TMEM116: variants seen among roughly 807,000 people sequenced by gnomAD.
The protein encoded by TMEM116 is transmembrane protein 116.
In TMEM116, 38 loss-of-function variants were observed where a neutral mutation model predicts 44.3. The ratio of observed to expected loss-of-function variants is 0.86; its 90% CI spans 0.66 to 1.12. The LOEUF (loss-of-function observed/expected upper bound fraction) is 1.12, where lower values mean the gene tolerates loss of function less well. Among genes scored for constraint, TMEM116 ranks in the 50% most tolerant of loss-of-function variants. TMEM116 has a pLI of 0.00. For missense variants in TMEM116, 354 were observed against 401.7 expected, an observed-to-expected ratio of 0.88 and a Z score of 1.01; for synonymous variants, 132 against 144.8, an observed-to-expected ratio of 0.91 and a Z score of 0.64.
chr12:111,952,182 T>C (rs1171395135), intron 4 of TMEM116, among the ~76,000 whole-genome samples: 2 of 152,124 alleles, frequency 1.3e-5, no homozygotes, highest in Non-Finnish European at 2.9e-5. Context: ...TGAGCCAAGA[T>C]TGAGCCACTG....
chr12:112,003,996 T>G (rs778181025), intron 2 of TMEM116, 133 bp from the exon 3 acceptor site: 84 of 1,294,902 alleles, frequency 6.5e-5, no homozygotes, highest in Non-Finnish European at 7.7e-5. Flanking sequence ...AAAAAAATTT[T>G]TAGACACAGG....
At chr12:111,952,091 T>A (rs1056960137) in intron 4 of TMEM116, among the ~76,000 whole-genome samples, 2 of 152,016 alleles carry the variant, frequency 1.3e-5, no homozygotes, top group Admixed American at 6.6e-5. Flanking sequence ...TAGCTGGGTG[T>A]GGTGGCATGC....
At chr12:111,945,204 C>G (rs2073160495) in intron 4 of TMEM116, among the ~76,000 whole-genome samples, 1 of 150,374 alleles carries the variant, frequency 6.7e-6, no homozygotes, top group Admixed American at 6.6e-5. Context: ...ATTAGCCAGG[C>G]ATGGTGGTGT....
rs967206099 is a variant in TMEM116, at chr12:111,960,889, C to G, written c.211-17520G>C. On this transcript the variant is annotated intron_variant, in intron 4 of 10. Transcript: ENST00000552374. ...TTCAAAAAAATCAATGAATCCAGGA[C>G]CTGATTTTTTGAAAAGATTAATAAA... Among the ~76,000 whole-genome samples the G allele has an allele frequency of 3.3e-5, 5 of 151,990 alleles. No homozygotes were observed. The South Asian group carries it at 1.0e-3, about 32-fold the overall frequency.
chr12:111,987,208 A>T (rs976532819), intron 4 of TMEM116, among the ~76,000 whole-genome samples: 2 of 152,004 alleles, frequency 1.3e-5, no homozygotes, highest in Non-Finnish European at 2.9e-5. Flanking sequence ...CAATCTGATT[A>T]AAAAATGGGG....
intron 4 of TMEM116, among the ~76,000 whole-genome samples, chr12:111,978,124 T>G (rs1472346835): frequency 1.4e-5 from 2 of 148,134 alleles, no homozygotes; most frequent in African/African-American, 5.0e-5. Context: ...AAGGCCCAGC[T>G]AGCGCGGTGG....
At chr12:111,970,004 T>C (rs1028682585) in intron 4 of TMEM116, among the ~76,000 whole-genome samples, 3 of 152,058 alleles carry the variant, frequency 2.0e-5, no homozygotes, top group Non-Finnish European at 4.4e-5. Context: ...TGGTGGCTCA[T>C]GCCTGTAATC....
At chr12:112,005,515 A>C in intron 1 of TMEM116, 1 of 473,740 alleles carries the variant, frequency 2.1e-6, no homozygotes, top group Non-Finnish European at 3.2e-6. Flanking sequence ...TTCACTGGGA[A>C]ATAGTATGAT....
intron 5 of TMEM116, among the ~76,000 whole-genome samples, chr12:111,940,472 T>TACACACACACAC (rs763389000): frequency 1.9e-4 from 19 of 97,578 alleles, no homozygotes; most frequent in African/African-American, 2.9e-4. Flanking sequence ...CACATATATA[T>TACACACACACAC]ATATACATAC....
At chr12:112,007,716 C>A (rs2077657245) in intron 1 of TMEM116, among the ~76,000 whole-genome samples, 1 of 152,188 alleles carries the variant, frequency 6.6e-6, no homozygotes, top group South Asian at 2.1e-4. Context: ...ACTGTTGTTT[C>A]AGTCAAGAAC....
intron 4 of TMEM116, among the ~76,000 whole-genome samples, chr12:111,958,096 A>G (rs1292244918): frequency 6.6e-6 from 1 of 151,854 alleles, no homozygotes; most frequent in Non-Finnish European, 1.5e-5. Flanking sequence ...AAGAGTCATC[A>G]CCACTCCCTA....
chr12:111,946,834 A>C (rs183550666), intron 4 of TMEM116, among the ~76,000 whole-genome samples: 1 of 152,354 alleles, frequency 6.6e-6, no homozygotes, highest in Admixed American at 6.5e-5. Context: ...AATGCTAAGC[A>C]TGTAGAAGTT....
chr12:111,956,704 G>C (rs542678443), intron 4 of TMEM116, among the ~76,000 whole-genome samples: 1 of 152,180 alleles, frequency 6.6e-6, no homozygotes, highest in African/African-American at 2.4e-5. Flanking sequence ...TGGTGGAGAC[G>C]GGGTTTCGCC....
chr12:111,936,545 T>C (rs1465037633), intron 8 of TMEM116, 147 bp downstream of exon 8: 4 of 767,716 alleles, frequency 5.2e-6, no homozygotes, highest in Admixed American at 3.5e-5. Context: ...AGGCAGTAAT[T>C]ATATTGTCAA....
At chr12:111,940,561 ATG>A (rs1166549648) in intron 5 of TMEM116, among the ~76,000 whole-genome samples, 11 of 128,318 alleles carry the variant, frequency 8.6e-5, no homozygotes, top group Admixed American at 4.2e-4. Flanking sequence ...ACACATATAT[ATG>A]TGTGTATATA....
chr12:111,952,226 T>TCAAAA (rs1255260004), intron 4 of TMEM116, among the ~76,000 whole-genome samples: 2 of 152,020 alleles, frequency 1.3e-5, no homozygotes, highest in Non-Finnish European at 2.9e-5. Flanking sequence ...AGATTCCATC[T>TCAAAA]CAAAACAAAA....
At chr12:111,936,869 T>C in intron 7 of TMEM116, 39 bp from the exon 8 acceptor site, 1 of 1,542,032 alleles carries the variant, frequency 6.5e-7, no homozygotes, top group Non-Finnish European at 8.7e-7. Context: ...CTACTACAGA[T>C]GTAAGAAAAG....
At chr12:111,998,353 G>GT (rs955780210) in intron 3 of TMEM116, among the ~76,000 whole-genome samples, 48 of 152,320 alleles carry the variant, frequency 3.2e-4, no homozygotes, top group Admixed American at 7.8e-4. Context: ...ATTGGAGCAG[G>GT]TGCTATGTGC....
intron 4 of TMEM116, chr12:111,978,703 T>C (rs2075791918): frequency 1.0e-5 from 4 of 395,778 alleles, no homozygotes; most frequent in South Asian, 3.7e-5. Flanking sequence ...AACAAGAAAA[T>C]AGCCATCTGC....
Sources: allele counts gnomAD v4.1 joint callset (sites outside exome capture counted in the v4.1 genomes callset), GRCh38; gene constraint gnomAD v4.1.1; transcripts MANE v1.5; gene names NCBI Gene and HGNC (gene_info 2026-07-23, HGNC 2026-07-21).